NRG3: variants seen among roughly 807,000 people sequenced by gnomAD.
The protein encoded by NRG3 is pro-neuregulin-3, membrane-bound isoform.
A neutral mutation model predicts 66.9 loss-of-function variants in NRG3; 31 were observed. The ratio of observed to expected loss-of-function variants is 0.46; its 90% CI spans 0.35 to 0.63. The LOEUF (loss-of-function observed/expected upper bound fraction) is 0.63, where lower values mean the gene tolerates loss of function less well. Ranked by LOEUF, NRG3 falls within the 20% of genes least tolerant of loss-of-function variation. The pLI is 0.00. For missense variants in NRG3, 910 were observed against 878.9 expected, an observed-to-expected ratio of 1.04 and a Z score of -0.45; for synonymous variants, 393 against 359.4, an observed-to-expected ratio of 1.09 and a Z score of -1.06.
At chr10:82,293,180 C>T (rs997771587) in intron 1 of NRG3, among the ~76,000 whole-genome samples, 1 of 152,186 alleles carries the variant, frequency 6.6e-6, no homozygotes, top group Non-Finnish European at 1.5e-5. Context: ...TCCTCAGCCT[C>T]CGTCCCAGAT....
chr10:81,964,485 G>T (rs572196531), intron 1 of NRG3, among the ~76,000 whole-genome samples: 13 of 151,004 alleles, frequency 8.6e-5, no homozygotes, highest in African/African-American at 2.4e-4. Context: ...TCTCATGACC[G>T]TACAGTAGTG....
At chr10:82,488,421 A>T (rs1842850110) in intron 2 of NRG3, among the ~76,000 whole-genome samples, 1 of 152,244 alleles carries the variant, frequency 6.6e-6, no homozygotes, top group Admixed American at 6.5e-5. Flanking sequence ...TTAAATAAAT[A>T]CAAAATAACT....
intron 1 of NRG3, among the ~76,000 whole-genome samples, chr10:82,007,265 A>G (rs1461321149): frequency 7.1e-6 from 1 of 141,260 alleles, no homozygotes; most frequent in Non-Finnish European, 1.5e-5. Flanking sequence ...GTTGGAGTGC[A>G]GTGGTGTGAT....
At chr10:82,848,681 C>T (rs2063423006) in intron 3 of NRG3, among the ~76,000 whole-genome samples, 1 of 152,090 alleles carries the variant, frequency 6.6e-6, no homozygotes, top group Admixed American at 6.5e-5. Context: ...TCTCCCCACC[C>T]AAATTTCATC....
intron 2 of NRG3, among the ~76,000 whole-genome samples, chr10:82,612,821 A>G (rs1229302900): frequency 6.6e-6 from 1 of 152,208 alleles, no homozygotes; most frequent in Non-Finnish European, 1.5e-5. Flanking sequence ...AGAATTTGAC[A>G]TTCAAAATAT....
intron 1 of NRG3, 64 bp from the exon 2 acceptor site, chr10:82,358,675 G>A (rs1039611489): frequency 6.2e-7 from 1 of 1,606,432 alleles, no homozygotes; most frequent in African/African-American, 1.3e-5. Flanking sequence ...CAGAGCCAGT[G>A]ACAGGAGTTG....
intron 3 of NRG3, among the ~76,000 whole-genome samples, chr10:82,743,665 C>A (rs1204995812): frequency 6.6e-6 from 1 of 152,082 alleles, no homozygotes; most frequent in Non-Finnish European, 1.5e-5. Flanking sequence ...CCTAGACCAT[C>A]AGGCTCAGAG....
At chr10:82,681,086 T>C (rs2054079344) in intron 2 of NRG3, among the ~76,000 whole-genome samples, 1 of 152,146 alleles carries the variant, frequency 6.6e-6, no homozygotes. Context: ...TAAAACATAA[T>C]TGGGGCATCG....
chr10:82,145,622 T>G (rs971026221), intron 1 of NRG3, among the ~76,000 whole-genome samples: 3 of 152,244 alleles, frequency 2.0e-5, no homozygotes, highest in Non-Finnish European at 4.4e-5. Flanking sequence ...TGCTTTCATC[T>G]TGAAAGAAAT....
intron 4 of NRG3, among the ~76,000 whole-genome samples, chr10:82,946,178 G>T (rs956777243): frequency 1.3e-5 from 2 of 150,946 alleles, no homozygotes; most frequent in African/African-American, 2.4e-5. Context: ...ATAGTGCAAG[G>T]CTCTTTGAAC....
At chr10:82,821,976 T>A (rs572465070) in intron 3 of NRG3, among the ~76,000 whole-genome samples, 1 of 152,270 alleles carries the variant, frequency 6.6e-6, no homozygotes, top group South Asian at 2.1e-4. Context: ...CAGCTGGGCT[T>A]GCAAAAGGCA....
At chr10:82,278,594 G>GT (rs1338508311) in intron 1 of NRG3, among the ~76,000 whole-genome samples, 1 of 152,134 alleles carries the variant, frequency 6.6e-6, no homozygotes, top group East Asian at 1.9e-4. Context: ...GAGTGGGCAG[G>GT]TTTTTGCTGG....
chr10:82,208,432 C>G (rs1000167946), intron 1 of NRG3, among the ~76,000 whole-genome samples: 1 of 152,108 alleles, frequency 6.6e-6, no homozygotes, highest in African/African-American at 2.4e-5. Flanking sequence ...TCATTTATAC[C>G]TCTCAGCAGA....
chr10:82,198,947 A>G (rs906680617), intron 1 of NRG3, among the ~76,000 whole-genome samples: 9 of 150,676 alleles, frequency 6.0e-5, no homozygotes, highest in Admixed American at 5.3e-4. Context: ...CAGTGAGCCA[A>G]GATCACGCCA....
At chr10:82,488,209 A>G (rs1842837935) in intron 2 of NRG3, among the ~76,000 whole-genome samples, 1 of 152,198 alleles carries the variant, frequency 6.6e-6, no homozygotes, top group Non-Finnish European at 1.5e-5. Context: ...CTTGGAAAGA[A>G]CTTCCAATTC....
intron 1 of NRG3, among the ~76,000 whole-genome samples, chr10:82,152,228 T>C (rs1156278767): frequency 6.6e-6 from 1 of 152,200 alleles, no homozygotes; most frequent in Non-Finnish European, 1.5e-5. Context: ...AAGATTTGGC[T>C]CATGTCTCTC....
At chr10:82,489,986 G>T (rs750002072) in intron 2 of NRG3, among the ~76,000 whole-genome samples, 67 of 152,080 alleles carry the variant, frequency 4.4e-4, no homozygotes, top group Non-Finnish European at 5.4e-4. Context: ...GGAAGCCAAG[G>T]CACAGAGAAG....
intron 1 of NRG3, among the ~76,000 whole-genome samples, chr10:82,012,128 T>A (rs2061603758): frequency 6.6e-6 from 1 of 152,190 alleles, no homozygotes; most frequent in Non-Finnish European, 1.5e-5. Context: ...TCCATACATC[T>A]TCTGAAATCT....
intron 3 of NRG3, among the ~76,000 whole-genome samples, chr10:82,795,400 T>G (rs138354556): frequency 0.01 from 1,589 of 152,314 alleles, 13 homozygotes; most frequent in Middle Eastern, 0.017. Context: ...AAAGCTTTAT[T>G]CATTTGGATT....
Sources: gnomAD v4.1 joint callset for allele counts (sites outside exome capture counted in the v4.1 genomes callset) on GRCh38, gnomAD v4.1.1 for gene constraint, MANE v1.5 for transcripts, NCBI Gene and HGNC (gene_info 2026-07-23, HGNC 2026-07-21) for gene names.